LRBA: variants seen among roughly 807,000 people sequenced by gnomAD.
LRBA encodes the protein lipopolysaccharide-responsive and beige-like anchor protein.
Under a neutral mutation model 330.0 loss-of-function variants are expected in LRBA, and 176 were observed. The observed-to-expected ratio is 0.53, with a 90% confidence interval of 0.47 to 0.60. The LOEUF is 0.60. Ranked by LOEUF, LRBA falls within the 20% of genes least tolerant of loss-of-function variation. The pLI, the probability that LRBA is intolerant of heterozygous loss-of-function variation, is 0.00. For synonymous variants in LRBA, 1,230 were observed against 1,193.0 expected, an observed-to-expected ratio of 1.03 and a Z score of -0.64; for missense variants, 3,259 against 3,444.8, an observed-to-expected ratio of 0.95 and a Z score of 1.35.
chr4:150,774,626 T>C (rs547963936), intron 34 of LRBA, among the ~76,000 whole-genome samples: 2 of 152,326 alleles, frequency 1.3e-5, no homozygotes, highest in South Asian at 2.1e-4. Flanking sequence ...GAGAAATCCA[T>C]GTAGCTTGTG....
chr4:150,979,952 C>T (rs571452577), intron 2 of LRBA, among the ~76,000 whole-genome samples: 14 of 152,256 alleles, frequency 9.2e-5, no homozygotes, highest in African/African-American at 3.4e-4. Flanking sequence ...GGAGGGAATA[C>T]TTCCAAACTC....
At chr4:150,285,236 T>C (rs1225736083) in intron 54 of LRBA, among the ~76,000 whole-genome samples, 3 of 152,230 alleles carry the variant, frequency 2.0e-5, no homozygotes, top group Non-Finnish European at 4.4e-5. Context: ...TGTTGTGTGT[T>C]CAGACTTCAG....
chr4:150,876,827 A>G (rs1754082735), intron 17 of LRBA, among the ~76,000 whole-genome samples: 1 of 152,178 alleles, frequency 6.6e-6, no homozygotes, highest in Non-Finnish European at 1.5e-5. Context: ...CCAGCTAACA[A>G]CTTCATGATA....
chr4:150,932,155 TCTAA>T (rs1047467267), intron 2 of LRBA, among the ~76,000 whole-genome samples: 2 of 152,120 alleles, frequency 1.3e-5, no homozygotes, highest in African/African-American at 4.8e-5. Flanking sequence ...TAAAAGCTTT[TCTAA>T]CTAAGAGTTT....
chr4:150,634,138 A>G (rs775697476), intron 37 of LRBA, among the ~76,000 whole-genome samples: 4 of 152,124 alleles, frequency 2.6e-5, no homozygotes, highest in African/African-American at 4.8e-5. Context: ...TCCCGTCTTC[A>G]TCTAGCTACC....
intron 35 of LRBA, among the ~76,000 whole-genome samples, chr4:150,747,283 C>T (rs1201282218): frequency 1.3e-5 from 2 of 152,188 alleles, no homozygotes; most frequent in African/African-American, 4.8e-5. Context: ...TGCTTTCCCT[C>T]CACAGAAGTA....
intron 37 of LRBA, among the ~76,000 whole-genome samples, chr4:150,641,996 CAT>C (rs1353072590): frequency 6.0e-4 from 91 of 152,152 alleles, no homozygotes; most frequent in African/African-American, 2.1e-3. Flanking sequence ...GCTACACTGT[CAT>C]ATTTTAAACT....
At chr4:150,614,026 G>A (rs1417927131) in intron 37 of LRBA, among the ~76,000 whole-genome samples, 1 of 151,638 alleles carries the variant, frequency 6.6e-6, no homozygotes, top group Non-Finnish European at 1.5e-5. Flanking sequence ...ACAATAAGAT[G>A]ACTCTCACAT....
intron 36 of LRBA, among the ~76,000 whole-genome samples, chr4:150,722,022 C>T (rs549842544): frequency 1.8e-4 from 28 of 152,262 alleles, no homozygotes; most frequent in South Asian, 1.2e-3. Context: ...TCAATTCCTA[C>T]GGGGCAGTTA....
intron 40 of LRBA, among the ~76,000 whole-genome samples, chr4:150,506,481 T>C (rs977066687): frequency 2.0e-5 from 3 of 152,154 alleles, no homozygotes; most frequent in African/African-American, 7.2e-5. Flanking sequence ...AAAAACCACA[T>C]GATTATCTCA....
chr4:150,815,459 C>T (rs1050494419), intron 31 of LRBA, among the ~76,000 whole-genome samples: 1 of 151,510 alleles, frequency 6.6e-6, no homozygotes, highest in Non-Finnish European at 1.5e-5. Context: ...CCAGGGGAAA[C>T]CAGCGAGGGA....
intron 35 of LRBA, among the ~76,000 whole-genome samples, chr4:150,760,885 A>C (rs934478228): frequency 2.6e-5 from 4 of 152,206 alleles, no homozygotes; most frequent in Non-Finnish European, 4.4e-5. Flanking sequence ...ATTTAAAATC[A>C]AATAAAGTTA....
chr4:150,767,581 A>C (rs1582288589), intron 34 of LRBA, among the ~76,000 whole-genome samples: 1 of 151,864 alleles, frequency 6.6e-6, no homozygotes, highest in African/African-American at 2.4e-5. Context: ...AACACGGTGA[A>C]ATCCCATCTC....
At chr4:150,527,875 CA>C (rs1163573583) in intron 40 of LRBA, among the ~76,000 whole-genome samples, 1 of 152,148 alleles carries the variant, frequency 6.6e-6, no homozygotes. Flanking sequence ...TTCCAGGTGC[CA>C]AAGACAACTG....
chr4:150,814,629 G>GT (rs952474405), intron 31 of LRBA, among the ~76,000 whole-genome samples: 39 of 150,496 alleles, frequency 2.6e-4, no homozygotes, highest in Non-Finnish European at 5.5e-4. Context: ...AGCAATAACT[G>GT]TTTTTTTAAA....
intron 2 of LRBA, among the ~76,000 whole-genome samples, chr4:150,991,436 T>C (rs72963639): frequency 0.017 from 2,555 of 152,278 alleles, 56 homozygotes; most frequent in African/African-American, 0.054. Flanking sequence ...GATAAACAAA[T>C]TGTAATTACA....
intron 37 of LRBA, among the ~76,000 whole-genome samples, chr4:150,644,750 T>C (rs1778975942): frequency 6.6e-6 from 1 of 151,856 alleles, no homozygotes; most frequent in Non-Finnish European, 1.5e-5. Flanking sequence ...ATACGGATGA[T>C]TTTTTCAAAG....
intron 37 of LRBA, among the ~76,000 whole-genome samples, chr4:150,647,581 T>C (rs775166467): frequency 8.6e-5 from 13 of 151,994 alleles, no homozygotes; most frequent in Non-Finnish European, 1.6e-4. Context: ...TTATGTGTTG[T>C]AGAGACAGGG....
intron 40 of LRBA, among the ~76,000 whole-genome samples, chr4:150,527,013 CTTT>C (rs149377678): frequency 6.9e-6 from 1 of 144,138 alleles, no homozygotes; most frequent in African/African-American, 2.5e-5. Flanking sequence ...TTTTCTTCTA[CTTT>C]TTTTTTTTTT....
Sources: gnomAD v4.1 joint callset for allele counts (sites outside exome capture counted in the v4.1 genomes callset) on GRCh38, gnomAD v4.1.1 for gene constraint, MANE v1.5 for transcripts, NCBI Gene and HGNC (gene_info 2026-07-23, HGNC 2026-07-21) for gene names.